The following WDPCP variants were observed in gnomAD, a reference collection of about 807,000 sequenced individuals.
The protein encoded by WDPCP is WD repeat-containing and planar cell polarity effector protein fritz homolog.
WDPCP carries 71 observed loss-of-function variants against 93.1 expected under a neutral mutation model. That is an observed-to-expected ratio of 0.76 (90% CI 0.63 to 0.93). WDPCP has a LOEUF of 0.93. WDPCP is among the 40% of genes least tolerant of loss of function. The pLI, the probability that WDPCP is intolerant of heterozygous loss-of-function variation, is 0.00. For missense variants in WDPCP, 844 were observed against 887.4 expected (o/e 0.95, Z 0.62); for synonymous variants, 315 against 315.0 (o/e 1.00, Z 0.00).
chr2:63,319,452 C>T (rs1378446117), intron 12 of WDPCP, among the ~76,000 whole-genome samples: 1 of 152,198 alleles, frequency 6.6e-6, no homozygotes. Context: ...TAAGGGTTAT[C>T]TCTAAATTTT....
intron 2 of WDPCP, among the ~76,000 whole-genome samples, chr2:63,756,087 T>G (rs1293188861): frequency 6.6e-6 from 1 of 152,238 alleles, no homozygotes; most frequent in African/African-American, 2.4e-5. Context: ...ATAGTTTTCT[T>G]CCTAATTTGT....
intron 2 of WDPCP, among the ~76,000 whole-genome samples, chr2:63,725,634 A>C (rs1669486194): frequency 1.3e-5 from 2 of 152,214 alleles, no homozygotes; most frequent in African/African-American, 4.8e-5. Context: ...TGCTTTCCAC[A>C]GTGGCTGAAC....
At chr2:63,367,774 A>G (rs1691033896) in intron 12 of WDPCP, among the ~76,000 whole-genome samples, 2 of 152,232 alleles carry the variant, frequency 1.3e-5, no homozygotes, top group Non-Finnish European at 2.9e-5. Context: ...CAGTCTATGG[A>G]TCAGGAAAAC....
chr2:63,364,409 C>A (rs983894003), intron 12 of WDPCP, among the ~76,000 whole-genome samples: 5 of 152,144 alleles, frequency 3.3e-5, no homozygotes, highest in African/African-American at 1.2e-4. Flanking sequence ...TAGTTTAATG[C>A]TGAATCATCT....
chr2:63,444,392 G>C (rs918534131), intron 6 of WDPCP, among the ~76,000 whole-genome samples: 2 of 152,074 alleles, frequency 1.3e-5, no homozygotes, highest in Non-Finnish European at 2.9e-5. Flanking sequence ...AAATACTCCT[G>C]GATATTGTAA....
At chr2:63,131,125 A>C (rs6728488) in intron 17 of WDPCP, among the ~76,000 whole-genome samples, 1 of 151,916 alleles carries the variant, frequency 6.6e-6, no homozygotes, top group Admixed American at 6.6e-5. Context: ...TAGAGTTTTT[A>C]AAAAAATCCA....
intron 3 of WDPCP, among the ~76,000 whole-genome samples, chr2:63,648,319 G>A (rs576114005): frequency 6.6e-6 from 1 of 152,248 alleles, no homozygotes; most frequent in African/African-American, 2.4e-5. Context: ...GGACTTTCAT[G>A]TGCTAAAATG....
chr2:63,828,091 C>T (rs1426502308), upstream of WDPCP, among the ~76,000 whole-genome samples: 1 of 152,032 alleles, frequency 6.6e-6, no homozygotes, highest in Non-Finnish European at 1.5e-5. Context: ...ATTTATGTAA[C>T]AATTGAGAAA....
chr2:63,722,171 CG>C (rs1669426792), intron 2 of WDPCP, among the ~76,000 whole-genome samples: 1 of 151,758 alleles, frequency 6.6e-6, no homozygotes, highest in Non-Finnish European at 1.5e-5. Flanking sequence ...AAGTGAGGAG[CG>C]TCTCTGCCTG....
intron 2 of WDPCP, among the ~76,000 whole-genome samples, chr2:63,762,072 G>A (rs1670063231): frequency 1.3e-5 from 2 of 152,214 alleles, no homozygotes; most frequent in Non-Finnish European, 2.9e-5. Flanking sequence ...TTCTGGCCAA[G>A]GTTCAGGACA....
intron 1 of WDPCP, among the ~76,000 whole-genome samples, chr2:63,499,782 C>T (rs1383468813): frequency 1.3e-5 from 2 of 152,140 alleles, no homozygotes; most frequent in African/African-American, 2.4e-5. Flanking sequence ...TATAGTGACC[C>T]TTGCCTTGAC....
chr2:63,714,022 C>A (rs1265114484), intron 2 of WDPCP, among the ~76,000 whole-genome samples: 1 of 150,378 alleles, frequency 6.6e-6, no homozygotes, highest in Non-Finnish European at 1.5e-5. Context: ...GCTAAAATAT[C>A]TTCGCTGCGA....
intron 6 of WDPCP, among the ~76,000 whole-genome samples, chr2:63,456,378 C>T (rs771578891): frequency 6.6e-6 from 1 of 152,032 alleles, no homozygotes; most frequent in African/African-American, 2.4e-5. Flanking sequence ...GATTGCGCCA[C>T]TGCACTCCAG....
intron 2 of WDPCP, among the ~76,000 whole-genome samples, chr2:63,683,526 C>T (rs1332732993): frequency 6.6e-6 from 1 of 151,920 alleles, no homozygotes; most frequent in Non-Finnish European, 1.5e-5. Flanking sequence ...ATATTTATAT[C>T]AGACAAAGTA....
chr2:63,164,817 G>A (rs1482741441), intron 15 of WDPCP, among the ~76,000 whole-genome samples: 4 of 152,090 alleles, frequency 2.6e-5, no homozygotes, highest in East Asian at 1.9e-4. Flanking sequence ...ATATACTATT[G>A]TTGTTAAATT....
chr2:63,596,737 CAAAG>C (rs1709319631), intron 3 of WDPCP, among the ~76,000 whole-genome samples: 1 of 152,118 alleles, frequency 6.6e-6, no homozygotes, highest in African/African-American at 2.4e-5. Context: ...ATACAATCAA[CAAAG>C]AAGTGCGATG....
At chr2:63,280,823 C>A (rs1683480226) in intron 13 of WDPCP, among the ~76,000 whole-genome samples, 1 of 152,078 alleles carries the variant, frequency 6.6e-6, no homozygotes, top group Non-Finnish European at 1.5e-5. Context: ...ATACAAAAAT[C>A]AACTCAAGAT....
chr2:63,730,705 A>G (rs1669549777), intron 2 of WDPCP, among the ~76,000 whole-genome samples: 1 of 152,190 alleles, frequency 6.6e-6, no homozygotes. Context: ...GCAAAGTTCA[A>G]TTCAAGAGCA....
At chr2:63,533,109 A>G (rs1703990745) in intron 1 of WDPCP, among the ~76,000 whole-genome samples, 1 of 151,856 alleles carries the variant, frequency 6.6e-6, no homozygotes, top group African/African-American at 2.4e-5. Context: ...AAAAGAGACA[A>G]AGAAGGGCAT....
Sources: allele counts gnomAD v4.1 joint callset (sites outside exome capture counted in the v4.1 genomes callset), GRCh38; gene constraint gnomAD v4.1.1; transcripts MANE v1.5; gene names NCBI Gene and HGNC (gene_info 2026-07-23, HGNC 2026-07-21).